The following BIRC6 variants were observed in gnomAD, a reference collection of about 807,000 sequenced individuals.
The protein encoded by BIRC6 is dual E2 ubiquitin-conjugating enzyme/E3 ubiquitin-protein ligase BIRC6.
A neutral mutation model predicts 503.3 loss-of-function variants in BIRC6; 98 were observed. The ratio of observed to expected loss-of-function variants is 0.19; its 90% CI spans 0.17 to 0.23. The LOEUF is 0.23. Ranked by LOEUF, BIRC6 falls within the 10% of genes least tolerant of loss-of-function variation. The pLI is 1.00. For synonymous variants in BIRC6, 2,240 were observed against 2,078.7 expected, an observed-to-expected ratio of 1.08 and a Z score of -2.11; for missense variants, 5,360 against 5,806.0, an observed-to-expected ratio of 0.92 and a Z score of 2.50.
intron 65 of BIRC6, among the ~76,000 whole-genome samples, chr2:32,551,431 C>G (rs1368158308): frequency 6.6e-6 from 1 of 152,044 alleles, no homozygotes; most frequent in Non-Finnish European, 1.5e-5. Context: ...TACAGACATA[C>G]AGCAGCATGC....
chr2:32,412,630 C>T (rs1197292044), intron 9 of BIRC6, among the ~76,000 whole-genome samples: 1 of 151,714 alleles, frequency 6.6e-6, no homozygotes, highest in Non-Finnish European at 1.5e-5. Context: ...AAAGATGATA[C>T]AGTTTTGGAA....
intron 10 of BIRC6, among the ~76,000 whole-genome samples, chr2:32,427,232 T>G (rs1198670579): frequency 6.6e-6 from 1 of 152,134 alleles, no homozygotes; most frequent in Admixed American, 6.5e-5. Context: ...ATGTATGTTC[T>G]TAATATTTTA....
At chr2:32,405,665 T>A (rs573499643) in intron 8 of BIRC6, among the ~76,000 whole-genome samples, 25 of 152,336 alleles carry the variant, frequency 1.6e-4, no homozygotes, top group African/African-American at 5.8e-4. Flanking sequence ...TTTTCCTATA[T>A]GTAAAGGAGT....
At chr2:32,570,168 A>G (rs1215127600) in intron 65 of BIRC6, among the ~76,000 whole-genome samples, 1 of 152,174 alleles carries the variant, frequency 6.6e-6, no homozygotes, top group Non-Finnish European at 1.5e-5. Context: ...AAATGACTAT[A>G]GAGTTTTTGT....
chr2:32,451,558 T>C (rs933826602), intron 22 of BIRC6, among the ~76,000 whole-genome samples: 6 of 152,238 alleles, frequency 3.9e-5, no homozygotes. Flanking sequence ...TTTATTAAAA[T>C]TTTAACCCAT....
rs148728804 is a variant in BIRC6 at position 32,617,796 on chromosome 2, C to T, written c.14466C>T (p.Asp4822=). 42 of 1,613,860 alleles carry T rather than the reference C, an allele frequency of 2.6e-5. No homozygotes were observed. Among genetic ancestry groups the T allele is most frequent in the Admixed American group, 5.0e-5 (3 of 60,002 alleles). ...CTGAAGGCTTGGATCCTGACACTGA[C>T]GATGCCCCAGAGGTGTGCAGAGCCA... ...PCPEGLDPDT[D]DAPEVCRATT... is the part of the protein sequence containing the mutation. Residue 4822 remains aspartate, a synonymous_variant, in exon 74 of 74, where the codon GAC becomes GAT. Transcript: ENST00000421745.
chr2:32,412,747 G>C (rs1421854374), intron 9 of BIRC6, among the ~76,000 whole-genome samples: 2 of 151,832 alleles, frequency 1.3e-5, no homozygotes, highest in Non-Finnish European at 1.5e-5. Context: ...AAGAAATGGT[G>C]CTTATAACTC....
chr2:32,556,836 G>A (rs1279398144), intron 65 of BIRC6, among the ~76,000 whole-genome samples: 1 of 152,122 alleles, frequency 6.6e-6, no homozygotes, highest in African/African-American at 2.4e-5. Flanking sequence ...CTACTTGGGA[G>A]GTTGAGGCAC....
intron 59 of BIRC6, 125 bp downstream of exon 59, chr2:32,525,753 A>G: frequency 2.2e-6 from 2 of 892,218 alleles, no homozygotes; most frequent in Admixed American, 2.9e-5. Flanking sequence ...AGTTAGTGAG[A>G]CTTCTTCCAT....
chr2:32,515,015 C>A lies in BIRC6; in HGVS notation c.10594C>A (p.Leu3532Ile), dbSNP rs1423865766. The A allele has an allele frequency of 6.2e-7, 1 of 1,613,542 alleles. No homozygotes were observed. The highest frequency in any genetic ancestry group is 8.5e-7 in the Non-Finnish European group (1 of 1,179,682). ...GTTACTTTTTAATTGGTCCATGTCT[C>A]TTCCCTGCAATATGGTTTTGAAGAA... The part of the protein sequence containing the change: ...FELLFNWSMS[L>I]PCNMVLKKAV... Residue 3532 changes from leucine to isoleucine, a missense_variant, in exon 55 of 74, where the codon CTT (leucine) becomes ATT (isoleucine). Leu to Ile is a conservative substitution (Grantham distance 5). Around this residue, in one of 16 missense-constraint regions of BIRC6, gnomAD observed 878 missense variants for 928.9 expected, o/e 0.95. Coordinates refer to ENST00000421745, the MANE Select transcript of BIRC6 (RefSeq NM_016252.4).
chr2:32,586,905 T>C (rs570607977), intron 66 of BIRC6, among the ~76,000 whole-genome samples: 22 of 152,326 alleles, frequency 1.4e-4, no homozygotes, highest in African/African-American at 4.6e-4. Flanking sequence ...CAGACTGTTA[T>C]TTGTTCTCAG....
Position 32,435,604 on chromosome 2 carries a change from C to A in BIRC6, c.3499+19C>A. ...TCACAGTGTGAGTTAAATTATAGAG[C>A]TGTTGTCCATGACAGTAAAAGGAGT... On this transcript the variant is annotated intron_variant, in intron 14 of 73. Coordinates refer to ENST00000421745, the MANE Select transcript of BIRC6 (RefSeq NM_016252.4). The A allele has an allele frequency of 6.5e-7, 1 of 1,546,166 alleles. No homozygotes were observed. The highest frequency in any genetic ancestry group is 2.0e-5 in the Admixed American group (1 of 49,222).
intron 5 of BIRC6, 137 bp from the exon 6 acceptor site, chr2:32,395,374 C>T: frequency 1.7e-6 from 1 of 605,800 alleles, no homozygotes; most frequent in Non-Finnish European, 2.8e-6. Context: ...ATTGTTGGAC[C>T]TAATATTATA....
intron 61 of BIRC6, among the ~76,000 whole-genome samples, chr2:32,542,459 T>C (rs1452336963): frequency 1.3e-5 from 2 of 152,208 alleles, no homozygotes; most frequent in Non-Finnish European, 2.9e-5. Flanking sequence ...ATAATGATAG[T>C]AACAGTGTAA....
chr2:32,592,134 C>T (rs1397275929), intron 66 of BIRC6, among the ~76,000 whole-genome samples: 2 of 152,128 alleles, frequency 1.3e-5, no homozygotes, highest in African/African-American at 2.4e-5. Context: ...CTTATATATG[C>T]AAAAACATAT....
intron 69 of BIRC6, 57 bp downstream of exon 69, chr2:32,598,025 T>C (rs953797019): frequency 2.2e-6 from 3 of 1,394,842 alleles, no homozygotes; most frequent in Non-Finnish European, 9.7e-7. Flanking sequence ...ATCTAATTAC[T>C]CAAATTTTTA....
chr2:32,473,277 G>A, intron 33 of BIRC6, 38 bp downstream of exon 33: 1 of 1,482,576 alleles, frequency 6.7e-7, no homozygotes, highest in African/African-American at 1.4e-5. Context: ...TAATGTTTGA[G>A]AATATTGTTT....
At chr2:32,544,915 T>A (rs1283172440) in intron 62 of BIRC6, among the ~76,000 whole-genome samples, 1 of 152,012 alleles carries the variant, frequency 6.6e-6, no homozygotes. Flanking sequence ...ATATTTTTTA[T>A]TGATACATAG....
chr2:32,358,955 T>C (rs1209095361), intron 1 of BIRC6, among the ~76,000 whole-genome samples: 1 of 152,204 alleles, frequency 6.6e-6, no homozygotes, highest in African/African-American at 2.4e-5. Context: ...ATTGGATGTC[T>C]TTCTTTTTAA....
Sources: allele counts gnomAD v4.1 joint callset (sites outside exome capture counted in the v4.1 genomes callset), GRCh38; gene constraint gnomAD v4.1.1; regional missense constraint gnomAD v4.1.1; transcripts MANE v1.5; gene names NCBI Gene and HGNC (gene_info 2026-07-23, HGNC 2026-07-21).